Variants in IFNLR1 observed in about 807,000 individuals in gnomAD.
IFNLR1 encodes the protein CRF2-12.
Under a neutral mutation model 52.5 loss-of-function variants are expected in IFNLR1, and 28 were observed. That is an observed-to-expected ratio of 0.53 (90% CI 0.40 to 0.73). The LOEUF (loss-of-function observed/expected upper bound fraction) is 0.73, where lower values mean the gene tolerates loss of function less well. IFNLR1 is among the 30% of genes least tolerant of loss of function. The probability of loss-of-function intolerance (pLI) is 0.00; values close to 1 mark genes in which losing one functional copy is unlikely to be tolerated. For missense variants in IFNLR1, 623 were observed against 659.1 expected, an observed-to-expected ratio of 0.95 and a Z score of 0.60; for synonymous variants, 276 against 274.9, an observed-to-expected ratio of 1.00 and a Z score of -0.04.
At position 24,159,500 on chromosome 1, in the gene IFNLR1, G is replaced by A. The variant is rs748698775; in HGVS notation, c.644C>T (p.Pro215Leu). 2 of 1,614,130 alleles carry A rather than the reference G, an allele frequency of 1.2e-6. No homozygotes were observed. Among genetic ancestry groups the A allele is most frequent in the South Asian group, 1.1e-5 (1 of 91,078 alleles). ...TGGGACCTCCAGCAAGAAGCAGGTG[G>A]GCTTAGAGAACTTGCTGTATTTCGG... The part of the protein sequence containing the change: ...SVPKYSKFSK[P>L]TCFLLEVPEA... The change falls in exon 5 of 7, where the codon CCC (proline) becomes CTC (leucine). Residue 215 changes from proline (P) to leucine (L), a missense_variant. Pro to Leu is a moderately conservative substitution (Grantham distance 98, BLOSUM62 -3). Transcript: ENST00000327535.
intron 6 of IFNLR1, among the ~76,000 whole-genome samples, chr1:24,158,559 G>C (rs1644406494): frequency 1.3e-5 from 2 of 152,150 alleles, no homozygotes; most frequent in Admixed American, 1.3e-4. Flanking sequence ...CATCTGAACA[G>C]GGCCGACCTA....
intron 3 of IFNLR1, among the ~76,000 whole-genome samples, chr1:24,163,064 G>A (rs1298690760): frequency 6.9e-6 from 1 of 145,482 alleles, no homozygotes; most frequent in East Asian, 2.1e-4. Context: ...GGATTCATGC[G>A]ATCCTCCTGC....
intron 1 of IFNLR1, among the ~76,000 whole-genome samples, 174 bp from the exon 2 acceptor site, chr1:24,181,028 A>T (rs1288001311): frequency 6.6e-6 from 1 of 152,144 alleles, no homozygotes; most frequent in Non-Finnish European, 1.5e-5. Flanking sequence ...ACCCTTTGCC[A>T]GGAGGGGAGG....
Position 24,157,174 on chromosome 1 carries a change from T to G in IFNLR1, c.1519A>C (p.Thr507Pro). The stretch of plus-strand genomic sequence containing the variant: ...CCCAATGTCCGGCCCCTGTCCTCGG[T>G]CCTCTGGGTGCTCTCAGCCCCCCAG... Reference protein sequence around the residue: ...GSWGAESTQRTEDRGRTLGHY... With the variant: ...GSWGAESTQRPEDRGRTLGHY... Residue 507 changes from threonine (T) to proline (P), a missense_variant, in exon 7 of 7, where the codon ACC (threonine) becomes CCC (proline). Thr to Pro is a conservative substitution (Grantham distance 38). Coordinates refer to ENST00000327535, the MANE Select transcript of IFNLR1 (RefSeq NM_170743.4). The surrounding 1 kb of genome is among the most constrained non-coding windows in gnomAD (Gnocchi z 5.1). 1 of 1,613,980 alleles carries G rather than the reference T, an allele frequency of 6.2e-7. No individual in the cohort carries two copies. Among genetic ancestry groups the G allele is most frequent in the Non-Finnish European group, 8.5e-7 (1 of 1,180,020 alleles).
chr1:24,161,589 C>A lies in IFNLR1; in HGVS notation c.463G>T (p.Asp155Tyr). The change falls in exon 4 of 7, where the codon GAT (aspartate) becomes TAT (tyrosine). Residue 155 changes from aspartate (D) to tyrosine (Y), a missense_variant. By Grantham distance (160) the Asp-to-Tyr change is radical. Transcript: ENST00000327535. ...YQLPPCMPPLDLKYEVAFWKE... is the reference protein window; with the variant it reads ...YQLPPCMPPLYLKYEVAFWKE... ...CAGAATGCCACCTCATACTTCAGAT[C>A]CAGTGGGGGCATGCAGGGGGGCAGC... is the stretch of plus-strand genomic sequence containing the variant. 6.4e-7 allele frequency: 1 copy of A among 1,555,520 alleles called. No homozygotes were observed. The highest frequency in any genetic ancestry group is 1.7e-4 in the Middle Eastern group (1 of 5,990).
chr1:24,157,815 C>T lies in IFNLR1; in HGVS notation c.878G>A (p.Cys293Tyr). 1.2e-6 allele frequency: 2 copies of T among 1,613,864 alleles called. No homozygotes were observed. Among genetic ancestry groups the T allele is most frequent in the Non-Finnish European group, 1.7e-6 (2 of 1,179,912 alleles). ...CCCTCTGGTCAGTTCCTTTTGGGGA[C>T]AGAGGAACAAGTCATTCACGGACTC... ...RPESVNDLFL[C>Y]PQKELTRGVR... The change falls in exon 7 of 7, where the codon TGT becomes TAT. Residue 293 changes from cysteine (C) to tyrosine (Y), a missense_variant. Physicochemically the swap from Cys to Tyr is radical, Grantham distance 194. Transcript: ENST00000327535. The surrounding 1 kb of genome is among the most constrained non-coding windows in gnomAD (Gnocchi z 5.1).
chr1:24,162,752 C>CTT (rs1644462140), intron 3 of IFNLR1, among the ~76,000 whole-genome samples: 1 of 37,756 alleles, frequency 2.6e-5, no homozygotes, highest in Non-Finnish European at 5.3e-5. Flanking sequence ...TTCTTTCTTT[C>CTT]TTTCTTTCTT....
chr1:24,161,350 T>TG (rs1197186628), intron 4 of IFNLR1, 192 bp downstream of exon 4: 1 of 648,644 alleles, frequency 1.5e-6, no homozygotes, highest in Non-Finnish European at 2.7e-6. Context: ...TCTGTTGACT[T>TG]GGCAAGCAGG....
chr1:24,176,490 A>T (rs1370783944), intron 2 of IFNLR1, among the ~76,000 whole-genome samples: 1 of 152,258 alleles, frequency 6.6e-6, no homozygotes, highest in Non-Finnish European at 1.5e-5. Context: ...TATACATTTT[A>T]ACTCAATAAT....
intron 5 of IFNLR1, 141 bp downstream of exon 5, chr1:24,159,333 T>C: frequency 8.0e-7 from 1 of 1,245,756 alleles, no homozygotes; most frequent in Non-Finnish European, 1.1e-6. Flanking sequence ...TGGGGCATTA[T>C]GTAAGCTGCC....
chr1:24,167,055 C>T (rs187412907), intron 3 of IFNLR1, among the ~76,000 whole-genome samples: 8 of 152,328 alleles, frequency 5.3e-5, no homozygotes, highest in East Asian at 3.9e-4. Context: ...AATCCACTGA[C>T]GGCCCAAAGA....
chr1:24,159,619 G>A lies in IFNLR1; in HGVS notation c.525C>T (p.Val175=), dbSNP rs765997598. The change falls in exon 5 of 7, where the codon GTC becomes GTT. Residue 175 remains valine (V), a synonymous_variant. Coordinates refer to ENST00000327535, the MANE Select transcript of IFNLR1 (RefSeq NM_170743.4). The stretch of plus-strand genomic sequence containing the variant: ...TCTGGACTGGCTGGCCATGGGGAGT[G>A]ACTGGAAATAGGGTCTGTTTGGAAA... ...EGAGNKTLFP[V]TPHGQPVQIT... 3.1e-6 allele frequency: 5 copies of A among 1,614,078 alleles called. No homozygotes were observed. Among genetic ancestry groups the A allele is most frequent in the Non-Finnish European group, 3.4e-6 (4 of 1,179,998 alleles).
chr1:24,161,503 G>C, intron 4 of IFNLR1, 39 bp downstream of exon 4: 5 of 1,552,318 alleles, frequency 3.2e-6, no homozygotes, highest in Non-Finnish European at 4.4e-6. Context: ...AGGGGTGGAG[G>C]AGCGGGCCTA....
intron 1 of IFNLR1, among the ~76,000 whole-genome samples, chr1:24,184,110 T>A (rs1004166044): frequency 6.6e-6 from 1 of 152,060 alleles, no homozygotes; most frequent in Non-Finnish European, 1.5e-5. Context: ...CATATCTCCA[T>A]CCACACAGGA....
intron 2 of IFNLR1, among the ~76,000 whole-genome samples, chr1:24,175,934 CAA>C (rs10713683): frequency 4.7e-4 from 43 of 91,834 alleles, no homozygotes; most frequent in Admixed American, 6.0e-4. Flanking sequence ...AACTCTGTTT[CAA>C]AAAAAAAAAA....
chr1:24,155,704 C>T lies in IFNLR1; in HGVS notation c.*1426G>A, dbSNP rs953358409. 2.0e-5 allele frequency: 3 copies of T among 152,246 alleles called. No homozygotes were observed. Among genetic ancestry groups the T allele is most frequent in the Non-Finnish European group, 4.4e-5 (3 of 68,044 alleles). The allele number at this position is 152,246 out of a possible 1,614,324, so 9.4% of individuals were successfully genotyped here. On this transcript the variant is annotated 3_prime_UTR_variant, in exon 7 of 7. Coordinates refer to ENST00000327535, the MANE Select transcript of IFNLR1 (RefSeq NM_170743.4). ...CCCTTGTGGTGGCTTTAAAGCAACA[C>T]AGCTCTGTGGGTTCAATGGCTTTGA...
intron 3 of IFNLR1, among the ~76,000 whole-genome samples, chr1:24,163,561 CA>C (rs1337130861): frequency 6.7e-6 from 1 of 149,238 alleles, no homozygotes; most frequent in African/African-American, 2.5e-5. Context: ...GTCCCCCACC[CA>C]AAATCCACAT....
chr1:24,176,433 CA>C (rs2148599975), intron 2 of IFNLR1, among the ~76,000 whole-genome samples: 1 of 152,290 alleles, frequency 6.6e-6, no homozygotes, highest in South Asian at 2.1e-4. Context: ...CCACTTTTGT[CA>C]AAACTCATCA....
intron 1 of IFNLR1, among the ~76,000 whole-genome samples, chr1:24,181,763 G>A (rs942817650): frequency 6.6e-6 from 1 of 152,180 alleles, no homozygotes; most frequent in African/African-American, 2.4e-5. Context: ...CTGGCTCCCA[G>A]CGCCAGAGCA....
Sources: allele counts gnomAD v4.1 joint callset (sites outside exome capture counted in the v4.1 genomes callset), GRCh38; gene constraint gnomAD v4.1.1; non-coding constraint Gnocchi (gnomAD v3.1); transcripts MANE v1.5; gene names NCBI Gene and HGNC (gene_info 2026-07-23, HGNC 2026-07-21).